The following NBL1 variants were observed in gnomAD, a reference collection of about 807,000 sequenced individuals.
The protein encoded by NBL1 is neuroblastoma suppressor of tumorigenicity 1.
In NBL1, 9 loss-of-function variants were observed where a neutral mutation model predicts 16.0. That is an observed-to-expected ratio of 0.56 (90% CI 0.34 to 0.98). The LOEUF (loss-of-function observed/expected upper bound fraction) is 0.98, where lower values mean the gene tolerates loss of function less well. Among genes scored for constraint, NBL1 ranks in the 50% least tolerant of loss-of-function variants. NBL1 has a pLI of 0.02. For synonymous variants in NBL1, 86 were observed against 100.7 expected, an observed-to-expected ratio of 0.85 and a Z score of 0.87; for missense variants, 196 against 243.1, an observed-to-expected ratio of 0.81 and a Z score of 1.29.
chr1:19,656,459 A>G (rs2095056920), intron 3 of NBL1, among the ~76,000 whole-genome samples: 1 of 151,386 alleles, frequency 6.6e-6, no homozygotes, highest in African/African-American at 2.4e-5. Context: ...GGAGTCCCTG[A>G]GGCAGAGCCC....
chr1:19,654,874 T>C, intron 1 of NBL1, 138 bp from the exon 2 acceptor site: 1 of 1,144,314 alleles, frequency 8.7e-7, no homozygotes, highest in Non-Finnish European at 1.2e-6. Context: ...AAATAACTTG[T>C]CCAAAGTTGC....
At chr1:19,656,448 C>G (rs191453207) in intron 3 of NBL1, among the ~76,000 whole-genome samples, 5 of 151,230 alleles carry the variant, frequency 3.3e-5, no homozygotes, top group African/African-American at 1.2e-4. Flanking sequence ...ACAGCATGTG[C>G]GGAGTCCCTG....
Position 19,657,051 on chromosome 1 carries a change from C to T in NBL1, c.468C>T (p.Pro156=), listed in dbSNP as rs1304242196. The stretch of plus-strand genomic sequence containing the variant: ...CCCACCCTCACCCCCATCCCCACCC[C>T]CATCCTGGCGGGCAGACCCCTGAGC... The part of the protein sequence containing the change: ...PGTHPHPHPH[P]HPGGQTPEPE... The change falls in exon 4 of 4, where the codon CCC becomes CCT. Residue 156 remains proline (P), a synonymous_variant. Coordinates refer to ENST00000375136, the MANE Select transcript of NBL1 (RefSeq NM_005380.8). 7 of 1,547,994 alleles carry T rather than the reference C, an allele frequency of 4.5e-6. No individual in the cohort carries two copies. The highest frequency in any genetic ancestry group is 6.1e-6 in the Non-Finnish European group (7 of 1,145,826).
rs575899864 is a variant in NBL1, at chr1:19,655,089, C to T, written c.59C>T (p.Pro20Leu). The change falls in exon 2 of 4, where the codon CCA becomes CTA. Residue 20 changes from proline to leucine, a missense_variant. Transcript: ENST00000375136. Reference protein sequence around the residue: ...VLPAMLLAAPPPINKLALFPD... With the variant: ...VLPAMLLAAPLPINKLALFPD... Reference sequence around the variant, plus strand: ...CCTGCCATGCTACTGGCTGCCCCACCACCCATCAACAAGCTGGCACTGTTC... The same window carrying T: ...CCTGCCATGCTACTGGCTGCCCCACTACCCATCAACAAGCTGGCACTGTTC... 5.0e-6 allele frequency: 8 copies of T among 1,613,136 alleles called. No individual in the cohort carries two copies. The highest frequency in any genetic ancestry group is 1.3e-5 in the African/African-American group (1 of 75,032).
chr1:19,645,678 C>T (rs900402342), intron 1 of NBL1: 1 of 1,214,338 alleles, frequency 8.2e-7, no homozygotes, highest in African/African-American at 1.6e-5. Context: ...TGAGTTGGGG[C>T]CAAAGAAAAG....
At chr1:19,644,205 C>T (rs2094963398), upstream of NBL1, 8 of 977,764 alleles carry the variant, frequency 8.2e-6, no homozygotes, top group African/African-American at 1.8e-5. This position sits in a 1 kb window ranked among gnomAD's most constrained non-coding sequence, Gnocchi z 4.6. Flanking sequence ...CCCGCCCGCT[C>T]TTTCTGCGCG....
At chr1:19,646,321 G>A (rs1208565663) in intron 1 of NBL1, among the ~76,000 whole-genome samples, 2 of 152,230 alleles carry the variant, frequency 1.3e-5, no homozygotes, top group Non-Finnish European at 2.9e-5. Flanking sequence ...AGATGCAAAC[G>A]TGAAGCTGAG....
intron 1 of NBL1, among the ~76,000 whole-genome samples, chr1:19,652,850 T>TG (rs1177586664): frequency 6.6e-5 from 10 of 151,376 alleles, no homozygotes; most frequent in African/African-American, 2.4e-4. Flanking sequence ...CAGCCAGGTG[T>TG]GGTGGCGAAT....
intron 1 of NBL1, chr1:19,645,807 G>A (rs944485885): frequency 6.9e-7 from 1 of 1,450,818 alleles, no homozygotes; most frequent in African/African-American, 1.4e-5. Context: ...GTTCTGCATC[G>A]GCCAGGGATA....
At position 19,655,205 on chromosome 1, in the gene NBL1, G is replaced by A. The variant is rs1197009048; in HGVS notation, c.170+5G>A. ...GGCCAAGTCCATCCAGAACAGGTGGGACCCAAGGGGTGGGTGGGGGGATGC... is the reference window on the plus strand; with the variant it reads ...GGCCAAGTCCATCCAGAACAGGTGGAACCCAAGGGGTGGGTGGGGGGATGC... On this transcript the variant is annotated splice_donor_5th_base_variant and intron_variant, in intron 2 of 3. Transcript: ENST00000375136. 4 of 1,604,882 alleles carry A rather than the reference G, an allele frequency of 2.5e-6. No homozygotes were observed. Among genetic ancestry groups the A allele is most frequent in the East Asian group, 4.5e-5 (2 of 44,570 alleles).
At position 19,657,769 on chromosome 1, in the gene NBL1, G is replaced by A. The variant is rs1429129861; in HGVS notation, c.*640G>A. The A allele has an allele frequency of 6.5e-6, 1 of 152,888 alleles. No homozygotes were observed. The highest frequency in any genetic ancestry group is 1.5e-5 in the Non-Finnish European group (1 of 68,268). The allele number at this position is 152,888 out of a possible 1,614,324, so 9.5% of individuals were successfully genotyped here. On this transcript the variant is annotated 3_prime_UTR_variant, in exon 4 of 4. Coordinates refer to ENST00000375136, the MANE Select transcript of NBL1 (RefSeq NM_005380.8). Reference sequence around the variant, plus strand: ...CGGGAGCTGGGAGCCAGGCTCTCCGGGCCTTTCTCTGGCTTCCTTGGCTTG... The same window carrying A: ...CGGGAGCTGGGAGCCAGGCTCTCCGAGCCTTTCTCTGGCTTCCTTGGCTTG...
chr1:19,648,594 C>T (rs760949414), intron 1 of NBL1, among the ~76,000 whole-genome samples: 1 of 152,212 alleles, frequency 6.6e-6, no homozygotes. Flanking sequence ...GCCCTCTTCC[C>T]CGGAGTGGGA....
At chr1:19,651,873 G>A (rs2095027717) in intron 1 of NBL1, among the ~76,000 whole-genome samples, 1 of 152,130 alleles carries the variant, frequency 6.6e-6, no homozygotes, top group Non-Finnish European at 1.5e-5. Context: ...AATAAAAAAT[G>A]TGTTATCACA....
chr1:19,656,932 C>T lies in NBL1; in HGVS notation c.349C>T (p.His117Tyr). 6.2e-7 allele frequency: 1 copy of T among 1,613,328 alleles called. No homozygotes were observed. Among genetic ancestry groups the T allele is most frequent in the Non-Finnish European group, 8.5e-7 (1 of 1,179,778 alleles). ...RVDKLVEKIL[H>Y]CSCQACGKEP... ...GGACAAGCTGGTGGAGAAGATCCTGCACTGTAGCTGCCAGGCCTGCGGCAA... is the reference window on the plus strand; with the variant it reads ...GGACAAGCTGGTGGAGAAGATCCTGTACTGTAGCTGCCAGGCCTGCGGCAA... Residue 117 changes from histidine to tyrosine, a missense_variant, in exon 4 of 4, where the codon CAC becomes TAC. Physicochemically the swap from His to Tyr is moderately conservative, Grantham distance 83 (BLOSUM62 2). Transcript: ENST00000375136.
At chr1:19,643,957 A>G, upstream of NBL1, 2 of 985,734 alleles carry the variant, frequency 2.0e-6, no homozygotes, top group South Asian at 4.7e-5. This position sits in a 1 kb window ranked among gnomAD's most constrained non-coding sequence, Gnocchi z 4.7. Context: ...CAGGCTCGGT[A>G]AAAGTCGGGC....
chr1:19,650,990 G>A (rs1469485467), intron 1 of NBL1, among the ~76,000 whole-genome samples: 1 of 152,128 alleles, frequency 6.6e-6, no homozygotes, highest in African/African-American at 2.4e-5. Context: ...CTCTGATGCT[G>A]GCCCAGCCTT....
At chr1:19,653,285 CAAAAA>C (rs10631531) in intron 1 of NBL1, among the ~76,000 whole-genome samples, 1 of 92,822 alleles carries the variant, frequency 1.1e-5, no homozygotes, top group East Asian at 3.7e-4. Flanking sequence ...GACTCCGTCT[CAAAAA>C]AAAAAAAAAA....
chr1:19,645,247 G>A, intron 1 of NBL1: 1 of 542,286 alleles, frequency 1.8e-6, no homozygotes, highest in South Asian at 8.0e-5. Context: ...GTCTGGGGCA[G>A]GGAGAGCCAG....
intron 1 of NBL1, among the ~76,000 whole-genome samples, chr1:19,648,453 G>A (rs183657795): frequency 3.3e-5 from 5 of 152,306 alleles, no homozygotes; most frequent in East Asian, 3.9e-4. Flanking sequence ...GGGCCCCGGC[G>A]TCTCAGTTTT....
Sources: allele counts gnomAD v4.1 joint callset (sites outside exome capture counted in the v4.1 genomes callset), GRCh38; gene constraint gnomAD v4.1.1; non-coding constraint Gnocchi (gnomAD v3.1); transcripts MANE v1.5; gene names NCBI Gene and HGNC (gene_info 2026-07-23, HGNC 2026-07-21).